Variants in SCN8A observed in about 807,000 individuals in gnomAD.
SCN8A encodes sodium channel protein type 8 subunit alpha.
SCN8A carries 30 observed loss-of-function variants against 184.1 expected under a neutral mutation model. The ratio of observed to expected loss-of-function variants is 0.16; its 90% CI spans 0.12 to 0.22. SCN8A has a LOEUF of 0.22. SCN8A is among the 10% of genes least tolerant of loss of function. The pLI is 1.00. For missense variants in SCN8A, 1,057 were observed against 2,498.9 expected (o/e 0.42, Z 12.30); for synonymous variants, 852 against 907.0 (o/e 0.94, Z 1.09).
chr12:51,800,041 T>C (rs1017662287), intron 26 of SCN8A, among the ~76,000 whole-genome samples: 7 of 152,206 alleles, frequency 4.6e-5, no homozygotes, highest in Non-Finnish European at 1.0e-4. Flanking sequence ...TCATGATATC[T>C]TGTGGAAGGG....
At chr12:51,697,935 A>G (rs1941622610) in intron 6 of SCN8A, among the ~76,000 whole-genome samples, 1 of 152,050 alleles carries the variant, frequency 6.6e-6, no homozygotes, top group South Asian at 2.1e-4. Context: ...TGGAACCTCC[A>G]CCCCCGCACC....
chr12:51,680,461 G>T (rs1465241683), intron 2 of SCN8A, among the ~76,000 whole-genome samples: 1 of 152,126 alleles, frequency 6.6e-6, no homozygotes, highest in African/African-American at 2.4e-5. Context: ...CTTCAACCAA[G>T]GTGTAACAGT....
At chr12:51,775,318 G>A (rs1474836981) in intron 20 of SCN8A, among the ~76,000 whole-genome samples, 1 of 152,224 alleles carries the variant, frequency 6.6e-6, no homozygotes, top group East Asian at 1.9e-4. Context: ...TGGGATCCAG[G>A]ATAGAGCAGC....
intron 14 of SCN8A, among the ~76,000 whole-genome samples, chr12:51,760,721 C>T (rs1942750247): frequency 6.6e-6 from 1 of 152,138 alleles, no homozygotes; most frequent in Non-Finnish European, 1.5e-5. Context: ...AGATGCTTAA[C>T]TTGTATTATG....
At position 51,745,981 on chromosome 12, in the gene SCN8A, C is replaced by T. The variant is rs2138828841; in HGVS notation, c.2077C>T (p.Arg693Trp). ...CATGGACCAATTAGCCTCCTACGGG[C>T]GGAAGGACAGAATCAACAGTATAAT... ...VSMDQLASYG[R>W]KDRINSIMSV... The change falls in exon 13 of 27, where the codon CGG (arginine) becomes TGG (tryptophan). Residue 693 changes from arginine to tryptophan, a missense_variant. By Grantham distance (101) the Arg-to-Trp change is moderately radical. Around this residue, in one of 19 missense-constraint regions of SCN8A, gnomAD observed 322 missense variants for 390.1 expected, o/e 0.83. Transcript: ENST00000627620. 4.3e-6 allele frequency: 7 copies of T among 1,610,456 alleles called. No individual in the cohort carries two copies. The highest frequency in any genetic ancestry group is 5.1e-6 in the Non-Finnish European group (6 of 1,178,190).
At position 51,721,825 on chromosome 12, in the gene SCN8A, C is replaced by T. The variant is rs368345284; in HGVS notation, c.1915C>T (p.Arg639Cys). 7 of 1,606,300 alleles carry T rather than the reference C, an allele frequency of 4.4e-6. No homozygotes were observed. The East Asian group carries it at 6.7e-5, about 15-fold the overall frequency. The change falls in exon 12 of 27, where the codon CGC becomes TGC. Residue 639 changes from arginine (R) to cysteine (C), a missense_variant. Coordinates refer to ENST00000627620, the MANE Select transcript of SCN8A (RefSeq NM_001330260.2). Reference protein sequence around the residue: ...IFPSLRRSVKRNSTVDCNGVV... With the variant: ...IFPSLRRSVKCNSTVDCNGVV... Reference sequence around the variant, plus strand: ...CCCCAGCCTGCGGCGCAGCGTGAAGCGCAACAGCACGGTGGACTGCAACGG... The same window carrying T: ...CCCCAGCCTGCGGCGCAGCGTGAAGTGCAACAGCACGGTGGACTGCAACGG...
chr12:51,614,004 A>C (rs951751029), intron 1 of SCN8A, among the ~76,000 whole-genome samples: 1 of 152,136 alleles, frequency 6.6e-6, no homozygotes, highest in African/African-American at 2.4e-5. Context: ...GTGTACTTGA[A>C]GATAATGTAT....
intron 1 of SCN8A, among the ~76,000 whole-genome samples, chr12:51,619,154 A>G (rs1338418050): frequency 6.6e-6 from 1 of 152,114 alleles, no homozygotes; most frequent in East Asian, 1.9e-4. Context: ...ACTATTATAT[A>G]CCTTACTTTT....
chr12:51,804,946 T>C (rs951092089), intron 26 of SCN8A, among the ~76,000 whole-genome samples: 4 of 90,286 alleles, frequency 4.4e-5, no homozygotes, highest in African/African-American at 1.1e-4. Flanking sequence ...CTTTGAAAAT[T>C]GCTAGCATTA....
At chr12:51,613,110 T>G (rs1939758936) in intron 1 of SCN8A, among the ~76,000 whole-genome samples, 1 of 152,200 alleles carries the variant, frequency 6.6e-6, no homozygotes, top group South Asian at 2.1e-4. Context: ...TTGTCCTGTC[T>G]TTGTTTAGTT....
At chr12:51,727,644 G>A (rs1942176329) in intron 12 of SCN8A, among the ~76,000 whole-genome samples, 1 of 152,172 alleles carries the variant, frequency 6.6e-6, no homozygotes, top group Admixed American at 6.5e-5. Context: ...CTGGGAGAGA[G>A]GCTCCTCCAG....
At chr12:51,688,610 T>G in intron 5 of SCN8A, 1 of 625,700 alleles carries the variant, frequency 1.6e-6, no homozygotes, top group South Asian at 2.1e-5. Context: ...TAAAAACAAA[T>G]GTTCCTTAAA....
chr12:51,796,906 G>A (rs1423750566), intron 26 of SCN8A, among the ~76,000 whole-genome samples: 1 of 152,174 alleles, frequency 6.6e-6, no homozygotes, highest in African/African-American at 2.4e-5. Flanking sequence ...ATCTTCTTCT[G>A]CCTGCTTTTT....
In SCN8A at chr12:51,774,678, A is replaced by C. The variant is rs114565576; in HGVS notation, c.3819+316A>C. Among the ~76,000 whole-genome samples the C allele has an allele frequency of 7.0e-3, 1,073 of 152,252 alleles. 10 individuals carry two copies. Among genetic ancestry groups the C allele is most frequent in the African/African-American group, 0.025 (1,019 of 41,552 alleles). On this transcript the variant is annotated intron_variant, in intron 20 of 26. Transcript: ENST00000627620. The stretch of plus-strand genomic sequence containing the variant: ...CTTGTTATTAGGCTGGGGACAGGAA[A>C]GTTCTTGCCCCAGGCCAGCAGGATG...
intron 1 of SCN8A, among the ~76,000 whole-genome samples, chr12:51,648,083 C>T (rs951839140): frequency 2.0e-5 from 3 of 152,180 alleles, no homozygotes; most frequent in Admixed American, 2.0e-4. Context: ...GCCACTGACT[C>T]ATGGGAGGCC....
rs774192451 is a variant in SCN8A at position 51,729,570 on chromosome 12, G to A, written c.1998+7662G>A. 2.6e-5 allele frequency among the ~76,000 whole-genome samples: 4 copies of A among 151,862 alleles called. No homozygotes were observed. The South Asian group carries it at 6.3e-4, about 24-fold the overall frequency. On this transcript the variant is annotated intron_variant, in intron 12 of 26. Coordinates refer to ENST00000627620, the MANE Select transcript of SCN8A (RefSeq NM_001330260.2). ...CAATTTGTTTATTCATTCTCCTGTC[G>A]ATAGATGTTCCGGTTGCTTCCAGTT...
chr12:51,767,743 A>C (rs1942860678), intron 16 of SCN8A, among the ~76,000 whole-genome samples: 1 of 152,220 alleles, frequency 6.6e-6, no homozygotes, highest in African/African-American at 2.4e-5. Context: ...ATTCTAATGC[A>C]TGCTAAGATT....
chr12:51,780,079 C>T (rs1592158622), intron 20 of SCN8A: 1 of 298,222 alleles, frequency 3.4e-6, no homozygotes, highest in East Asian at 1.0e-4. Flanking sequence ...GATTCTCAAA[C>T]AAATGGTTTT....
intron 1 of SCN8A, among the ~76,000 whole-genome samples, chr12:51,630,176 A>T (rs1268472902): frequency 6.6e-6 from 1 of 152,146 alleles, no homozygotes; most frequent in Non-Finnish European, 1.5e-5. Flanking sequence ...CATTAAATAC[A>T]TTCACATTGT....
Sources: allele counts gnomAD v4.1 joint callset (sites outside exome capture counted in the v4.1 genomes callset), GRCh38; gene constraint gnomAD v4.1.1; regional missense constraint gnomAD v4.1.1; transcripts MANE v1.5; gene names NCBI Gene and HGNC (gene_info 2026-07-23, HGNC 2026-07-21).